The following KIF26B variants were observed in gnomAD, a reference collection of about 807,000 sequenced individuals.
KIF26B encodes kinesin family member 26B, also known as kinesin-like protein KIF26B.
KIF26B carries 63 observed loss-of-function variants against 151.2 expected under a neutral mutation model. That is an observed-to-expected ratio of 0.42 (90% CI 0.34 to 0.51). The LOEUF is 0.51. KIF26B is among the 20% of genes least tolerant of loss of function. The pLI is 0.07. For synonymous variants in KIF26B, 1,357 were observed against 1,262.1 expected (o/e 1.08, Z -1.59); for missense variants, 2,813 against 2,913.6 (o/e 0.97, Z 0.79).
intron 3 of KIF26B, among the ~76,000 whole-genome samples, chr1:245,403,470 A>G (rs1284535424): frequency 6.6e-6 from 1 of 152,076 alleles, no homozygotes. Flanking sequence ...CTTTCCCCCA[A>G]AGGAGTAGTT....
chr1:245,305,300 C>T (rs1182748937), intron 2 of KIF26B, among the ~76,000 whole-genome samples: 3 of 152,064 alleles, frequency 2.0e-5, no homozygotes, highest in Non-Finnish European at 4.4e-5. Context: ...CAGAAAATGA[C>T]AAAAGCAACC....
chr1:245,544,620 C>T (rs533646369), intron 5 of KIF26B, among the ~76,000 whole-genome samples: 3 of 152,190 alleles, frequency 2.0e-5, no homozygotes, highest in South Asian at 2.1e-4. Context: ...CAGGACCTTT[C>T]GGCCATTTTA....
chr1:245,175,949 G>T (rs1032380630), intron 2 of KIF26B, among the ~76,000 whole-genome samples: 3 of 118,036 alleles, frequency 2.5e-5, no homozygotes, highest in African/African-American at 1.1e-4. Context: ...TATATATATA[G>T]ATATCTATAT....
At chr1:245,276,194 G>A (rs1424529505) in intron 2 of KIF26B, among the ~76,000 whole-genome samples, 1 of 152,072 alleles carries the variant, frequency 6.6e-6, no homozygotes, top group Non-Finnish European at 1.5e-5. Flanking sequence ...AATTAGCCAG[G>A]TGTGGTAGCA....
rs367648875 is a variant in KIF26B at position 245,553,670 on chromosome 1, C to T, written c.1350+12720C>T. Among the ~76,000 whole-genome samples the T allele has an allele frequency of 1.1e-3, 171 of 152,176 alleles. 1 individual carries two copies. In the South Asian group the frequency reaches 0.033, roughly 29 times the overall value. On this transcript the variant is annotated intron_variant, in intron 5 of 14. Coordinates refer to ENST00000407071, the MANE Select transcript of KIF26B (RefSeq NM_018012.4). ...AAGAAACAAAAAAAGTCCTAAATTC[C>T]GTGGGAGGAAAAACCATGATCCTTT...
intron 2 of KIF26B, among the ~76,000 whole-genome samples, chr1:245,232,624 C>G (rs1670022028): frequency 6.6e-6 from 1 of 150,428 alleles, no homozygotes; most frequent in African/African-American, 2.5e-5. Context: ...GATCTCAGCT[C>G]ACCGCAACCT....
intron 5 of KIF26B, among the ~76,000 whole-genome samples, chr1:245,548,720 G>A (rs1013056323): frequency 5.3e-5 from 8 of 150,154 alleles, no homozygotes; most frequent in African/African-American, 2.0e-4. Flanking sequence ...TAAGAGATTC[G>A]TAATCTTTTC....
chr1:245,541,865 T>C (rs1185285528), intron 5 of KIF26B, among the ~76,000 whole-genome samples: 2 of 152,110 alleles, frequency 1.3e-5, no homozygotes, highest in Non-Finnish European at 2.9e-5. Context: ...AACACGGTCA[T>C]GGCTGGGTTT....
intron 3 of KIF26B, among the ~76,000 whole-genome samples, chr1:245,394,743 T>G (rs1673788638): frequency 7.1e-6 from 1 of 140,510 alleles, no homozygotes; most frequent in Admixed American, 7.6e-5. Flanking sequence ...CGGGCTAGAG[T>G]GCAATGGCAC....
chr1:245,484,795 T>C (rs1363722636), intron 4 of KIF26B, among the ~76,000 whole-genome samples: 1 of 150,060 alleles, frequency 6.7e-6, no homozygotes, highest in Non-Finnish European at 1.5e-5. Context: ...TTATTATTAT[T>C]CTTTTAATTC....
At chr1:245,521,443 G>T (rs1295787164) in intron 4 of KIF26B, among the ~76,000 whole-genome samples, 1 of 152,014 alleles carries the variant, frequency 6.6e-6, no homozygotes, top group South Asian at 2.1e-4. Context: ...AATCTGACAG[G>T]CTTGTTTTGG....
intron 3 of KIF26B, among the ~76,000 whole-genome samples, chr1:245,371,899 A>C (rs191448040): frequency 2.6e-5 from 4 of 152,362 alleles, no homozygotes; most frequent in Admixed American, 2.0e-4. Flanking sequence ...TTCTCATTAA[A>C]TATCTTAGAA....
intron 4 of KIF26B, among the ~76,000 whole-genome samples, chr1:245,502,435 G>A (rs1660639766): frequency 6.6e-6 from 1 of 151,384 alleles, no homozygotes; most frequent in South Asian, 2.1e-4. Context: ...GCTGAGGCAG[G>A]AGAATTGCTT....
chr1:245,691,935 G>C (rs1054024980), intron 12 of KIF26B, among the ~76,000 whole-genome samples: 9 of 152,136 alleles, frequency 5.9e-5, no homozygotes, highest in African/African-American at 2.2e-4. Flanking sequence ...TTAGAAAGCA[G>C]GAGGAGGCTT....
intron 4 of KIF26B, among the ~76,000 whole-genome samples, chr1:245,482,792 C>T (rs1002094782): frequency 2.6e-5 from 4 of 151,636 alleles, no homozygotes; most frequent in African/African-American, 9.7e-5. Context: ...GAGGCAAATG[C>T]GTTCCCTAAG....
chr1:245,200,518 T>C (rs1433193041), intron 2 of KIF26B, among the ~76,000 whole-genome samples: 1 of 152,206 alleles, frequency 6.6e-6, no homozygotes, highest in Non-Finnish European at 1.5e-5. Flanking sequence ...TATATGGAAA[T>C]GTACATGTAT....
At chr1:245,668,767 G>A (rs6678508) in intron 10 of KIF26B, among the ~76,000 whole-genome samples, 9,792 of 151,846 alleles carry the variant, frequency 0.064, 943 homozygotes, top group African/African-American at 0.21. Flanking sequence ...TTGGCTTACC[G>A]CAACCTCTGC....
chr1:245,444,723 G>GC (rs1659208510), intron 4 of KIF26B, among the ~76,000 whole-genome samples: 1 of 152,168 alleles, frequency 6.6e-6, no homozygotes, highest in Non-Finnish European at 1.5e-5. Flanking sequence ...ATGAAGGGAA[G>GC]TTTTTCCTAC....
chr1:245,237,944 T>G (rs1480047465), intron 2 of KIF26B, among the ~76,000 whole-genome samples: 1 of 151,598 alleles, frequency 6.6e-6, no homozygotes, highest in African/African-American at 2.4e-5. Context: ...GAGGATCACT[T>G]GAGCCCCGGA....
Sources: allele counts gnomAD v4.1 joint callset (sites outside exome capture counted in the v4.1 genomes callset), GRCh38; gene constraint gnomAD v4.1.1; transcripts MANE v1.5; gene names NCBI Gene and HGNC (gene_info 2026-07-23, HGNC 2026-07-21).